ATP9B: variants seen among roughly 807,000 people sequenced by gnomAD.
ATP9B encodes the protein probable phospholipid-transporting ATPase IIB.
A neutral mutation model predicts 146.1 loss-of-function variants in ATP9B; 110 were observed. The ratio of observed to expected loss-of-function variants is 0.75; its 90% CI spans 0.65 to 0.88. ATP9B has a LOEUF of 0.88. ATP9B is among the 40% of genes least tolerant of loss of function. The probability of loss-of-function intolerance (pLI) is 0.00; values close to 1 mark genes in which losing one functional copy is unlikely to be tolerated. For synonymous variants in ATP9B, 604 were observed against 569.7 expected (o/e 1.06, Z -0.86); for missense variants, 1,499 against 1,496.4 (o/e 1.00, Z -0.03).
chr18:79,130,604 A>G (rs1327279760), intron 5 of ATP9B, among the ~76,000 whole-genome samples: 1 of 152,136 alleles, frequency 6.6e-6, no homozygotes, highest in Non-Finnish European at 1.5e-5. Flanking sequence ...TTCAGGAAGT[A>G]CAGCAAAGCA....
At chr18:79,350,185 CAT>C (rs2096915205) in intron 25 of ATP9B, among the ~76,000 whole-genome samples, 1 of 152,230 alleles carries the variant, frequency 6.6e-6, no homozygotes, top group Admixed American at 6.5e-5. Flanking sequence ...TTCGCCTGCA[CAT>C]GTTAGCACCG....
intron 11 of ATP9B, among the ~76,000 whole-genome samples, chr18:79,234,517 T>A (rs1023184396): frequency 1.3e-5 from 2 of 152,214 alleles, no homozygotes; most frequent in African/African-American, 4.8e-5. Flanking sequence ...TGCAGGGACA[T>A]CCACGGCCAG....
Position 79,126,489 on chromosome 18 carries a change from G to A in ATP9B, c.667+114G>A, listed in dbSNP as rs185307289. On this transcript the variant is annotated intron_variant, in intron 5 of 29. Coordinates refer to ENST00000426216, the MANE Select transcript of ATP9B (RefSeq NM_198531.5). ...ATTCTATTATTGAAAATAGTATTAT[G>A]TGATTGTATATGATATCTAATTAAT... 46 of 720,352 alleles carry A rather than the reference G, an allele frequency of 6.4e-5. 1 individual carries two copies. The highest frequency in any genetic ancestry group is 5.8e-4 in the East Asian group (20 of 34,680). 44.6% of individuals were successfully genotyped at this position (720,352 alleles called of 1,614,324 possible).
intron 25 of ATP9B, chr18:79,353,004 T>G (rs2096930618): frequency 6.6e-6 from 1 of 152,196 alleles, no homozygotes; most frequent in Non-Finnish European, 1.5e-5. Context: ...AAAGAAGACA[T>G]AAGAATGGTC....
In ATP9B at chr18:79,296,144, T is replaced by G. The variant is rs561800532; in HGVS notation, c.1412-7460T>G. Among the ~76,000 whole-genome samples, 7 of 152,272 alleles carry G rather than the reference T, an allele frequency of 4.6e-5. 1 individual carries two copies. The highest frequency in any genetic ancestry group is 1.7e-4 in the African/African-American group (7 of 41,552). On this transcript the variant is annotated intron_variant, in intron 13 of 29. Coordinates refer to ENST00000426216, the MANE Select transcript of ATP9B (RefSeq NM_198531.5). ...CATCTTCCTGCCTCAGCCTCCCTAG[T>G]AGCTGGGACTGCAGGTGTGTGCTGC...
At chr18:79,100,493 A>G (rs1274902252) in intron 2 of ATP9B, among the ~76,000 whole-genome samples, 3 of 152,164 alleles carry the variant, frequency 2.0e-5, no homozygotes, top group East Asian at 1.9e-4. Flanking sequence ...TTTATCTTTA[A>G]ATATACTTTG....
intron 14 of ATP9B, among the ~76,000 whole-genome samples, chr18:79,305,989 G>C (rs1026301640): frequency 6.6e-6 from 1 of 152,258 alleles, no homozygotes; most frequent in Admixed American, 6.5e-5. Flanking sequence ...ACATCACGTA[G>C]TTTGGAAGGA....
At chr18:79,258,931 A>G (rs1301921207) in intron 12 of ATP9B, among the ~76,000 whole-genome samples, 1 of 152,218 alleles carries the variant, frequency 6.6e-6, no homozygotes, top group Non-Finnish European at 1.5e-5. Context: ...CCTTTTGCAA[A>G]TTTTCCGTAA....
intron 8 of ATP9B, among the ~76,000 whole-genome samples, chr18:79,182,272 T>C (rs1401770033): frequency 1.1e-4 from 16 of 152,190 alleles, no homozygotes; most frequent in Admixed American, 1.0e-3. Context: ...CTGCAGGTGG[T>C]TGGGGCTGGA....
chr18:79,089,631 C>T lies in ATP9B; in HGVS notation c.120-6845C>T, dbSNP rs143415573. 1.2e-3 allele frequency among the ~76,000 whole-genome samples: 186 copies of T among 152,214 alleles called. 1 individual carries two copies. The highest frequency in any genetic ancestry group is 4.2e-3 in the African/African-American group (175 of 41,512). The stretch of plus-strand genomic sequence containing the variant: ...TGAAAAAAAATTATTGTTAATTATT[C>T]GTTATTATAGATACATAATGTTTAT... On this transcript the variant is annotated intron_variant, in intron 1 of 29. Transcript: ENST00000426216.
At chr18:79,291,523 A>G (rs1419480673) in intron 13 of ATP9B, among the ~76,000 whole-genome samples, 3 of 152,228 alleles carry the variant, frequency 2.0e-5, no homozygotes, top group African/African-American at 7.2e-5. Flanking sequence ...TCGAGATTTA[A>G]AAAATATTTT....
At chr18:79,090,557 T>C (rs949427893) in intron 1 of ATP9B, among the ~76,000 whole-genome samples, 5 of 152,220 alleles carry the variant, frequency 3.3e-5, no homozygotes, top group African/African-American at 1.2e-4. Flanking sequence ...TGCGTGTTTG[T>C]GATTTGTATG....
chr18:79,194,951 G>C (rs1404260270), intron 9 of ATP9B, among the ~76,000 whole-genome samples: 1 of 152,148 alleles, frequency 6.6e-6, no homozygotes, highest in African/African-American at 2.4e-5. Context: ...AGGGACTTGT[G>C]GAGAAAGTAC....
intron 5 of ATP9B, among the ~76,000 whole-genome samples, chr18:79,140,695 A>T (rs369224865): frequency 2.0e-5 from 3 of 152,198 alleles, no homozygotes; most frequent in African/African-American, 7.2e-5. Context: ...CAGGAGAATC[A>T]CTTGAACCCT....
chr18:79,204,391 G>C (rs1410155704), intron 9 of ATP9B, among the ~76,000 whole-genome samples: 1 of 152,150 alleles, frequency 6.6e-6, no homozygotes, highest in Non-Finnish European at 1.5e-5. Flanking sequence ...CACTTTTACA[G>C]CCCTCCTCCC....
chr18:79,251,573 T>G lies in ATP9B; in HGVS notation c.1108-1808T>G, dbSNP rs575065866. ...ATTTCAATTTATTTGTTTAATTAGTTGACTTTTCTTCGCAGCTGCACTTAA... is the reference window on the plus strand; with the variant it reads ...ATTTCAATTTATTTGTTTAATTAGTGGACTTTTCTTCGCAGCTGCACTTAA... On this transcript the variant is annotated intron_variant, in intron 11 of 29. Coordinates refer to ENST00000426216, the MANE Select transcript of ATP9B (RefSeq NM_198531.5). Among the ~76,000 whole-genome samples the G allele has an allele frequency of 9.5e-4, 144 of 152,340 alleles. 1 individual carries two copies. Among genetic ancestry groups the G allele is most frequent in the Middle Eastern group, 6.8e-3 (2 of 294 alleles).
intron 11 of ATP9B, among the ~76,000 whole-genome samples, chr18:79,233,843 A>G (rs898421038): frequency 5.3e-5 from 8 of 152,238 alleles, no homozygotes; most frequent in Non-Finnish European, 1.2e-4. Context: ...TTTGTATGTA[A>G]AATATATACT....
intron 5 of ATP9B, among the ~76,000 whole-genome samples, chr18:79,133,204 T>C (rs999270169): frequency 3.9e-5 from 6 of 152,138 alleles, no homozygotes; most frequent in African/African-American, 7.2e-5. Context: ...TCTTGAAGTG[T>C]ACTTAAATCA....
At chr18:79,212,351 T>C (rs1483732553) in intron 10 of ATP9B, among the ~76,000 whole-genome samples, 1 of 152,238 alleles carries the variant, frequency 6.6e-6, no homozygotes, top group Non-Finnish European at 1.5e-5. Context: ...GTATAACATA[T>C]GCCTTGTTAT....
Sources: allele counts gnomAD v4.1 joint callset (sites outside exome capture counted in the v4.1 genomes callset), GRCh38; gene constraint gnomAD v4.1.1; transcripts MANE v1.5; gene names NCBI Gene and HGNC (gene_info 2026-07-23, HGNC 2026-07-21).